PRKN: variants seen among roughly 807,000 people sequenced by gnomAD.
PRKN encodes E3 ubiquitin-protein ligase parkin.
In PRKN, 56 loss-of-function variants were observed where a neutral mutation model predicts 59.5. The observed-to-expected ratio is 0.94, with a 90% confidence interval of 0.76 to 1.18. The LOEUF is 1.18. Ranked by LOEUF, PRKN falls within the 50% of genes most tolerant of loss-of-function variation. PRKN has a pLI of 0.00. For synonymous variants in PRKN, 250 were observed against 222.1 expected (o/e 1.13, Z -1.12); for missense variants, 657 against 596.4 (o/e 1.10, Z -1.06).
intron 2 of PRKN, among the ~76,000 whole-genome samples, chr6:162,315,294 G>A (rs1330385293): frequency 3.3e-5 from 5 of 152,118 alleles, no homozygotes; most frequent in African/African-American, 1.2e-4. Flanking sequence ...TTATTGAAGT[G>A]GCTTAATTTG....
chr6:162,365,564 G>C (rs1562704521), intron 2 of PRKN, among the ~76,000 whole-genome samples: 1 of 151,834 alleles, frequency 6.6e-6, no homozygotes, highest in East Asian at 1.9e-4. Flanking sequence ...TGTGCCCCTG[G>C]CCTTTCTTCC....
At chr6:162,709,328 G>A (rs942912792) in intron 1 of PRKN, among the ~76,000 whole-genome samples, 10 of 151,850 alleles carry the variant, frequency 6.6e-5, no homozygotes, top group Non-Finnish European at 1.2e-4. Context: ...AAAAAGGTTG[G>A]AGACTACTGT....
intron 6 of PRKN, among the ~76,000 whole-genome samples, chr6:161,901,329 G>A (rs929335098): frequency 9.2e-5 from 14 of 152,172 alleles, no homozygotes; most frequent in African/African-American, 3.1e-4. Flanking sequence ...GGAAAAGCAT[G>A]TCTCCAGTAT....
chr6:161,819,077 T>C (rs1231399391), intron 6 of PRKN, among the ~76,000 whole-genome samples: 2 of 152,202 alleles, frequency 1.3e-5, no homozygotes, highest in Non-Finnish European at 2.9e-5. Context: ...ACTCCGAACT[T>C]AGGTGCCCAA....
intron 4 of PRKN, among the ~76,000 whole-genome samples, chr6:162,075,624 A>C (rs1778789866): frequency 8.4e-6 from 1 of 119,410 alleles, no homozygotes; most frequent in African/African-American, 3.3e-5. Flanking sequence ...CTGGTCAACA[A>C]CTATCTTGAC....
intron 7 of PRKN, among the ~76,000 whole-genome samples, chr6:161,670,741 G>A (rs546222740): frequency 7.2e-5 from 11 of 152,210 alleles, no homozygotes; most frequent in African/African-American, 1.9e-4. Context: ...GCATGAACCC[G>A]GGAGGCAGAG....
intron 1 of PRKN, among the ~76,000 whole-genome samples, chr6:162,584,794 TCCCCTCCCCTCCC>T (rs1780948283): frequency 3.0e-4 from 2 of 6,610 alleles, no homozygotes; most frequent in Non-Finnish European, 2.5e-4. Flanking sequence ...TCCTCTCCCC[TCCCCTCCCCTCCC>T]CTCCCCTCCC....
chr6:161,939,552 T>C (rs374739980), intron 6 of PRKN, among the ~76,000 whole-genome samples: 84 of 150,746 alleles, frequency 5.6e-4, no homozygotes, highest in African/African-American at 2.0e-3. Flanking sequence ...GCCAATATGG[T>C]GAAACCCCAT....
At chr6:162,032,639 G>T (rs899652305) in intron 5 of PRKN, among the ~76,000 whole-genome samples, 4 of 152,150 alleles carry the variant, frequency 2.6e-5, no homozygotes, top group Non-Finnish European at 5.9e-5. Flanking sequence ...GATGAAAAAA[G>T]CGAAGCTGAG....
At chr6:162,455,641 AT>A (rs1172228627) in intron 1 of PRKN, among the ~76,000 whole-genome samples, 1 of 152,032 alleles carries the variant, frequency 6.6e-6, no homozygotes, top group Non-Finnish European at 1.5e-5. Flanking sequence ...ATGGGGGCCC[AT>A]TTTTTTCTGA....
At chr6:161,838,977 C>T (rs928418231) in intron 6 of PRKN, among the ~76,000 whole-genome samples, 7 of 152,084 alleles carry the variant, frequency 4.6e-5, no homozygotes, top group African/African-American at 9.7e-5. Context: ...AATGTGTCTC[C>T]GCAGTGCTTG....
At chr6:161,647,640 T>G (rs1784004951) in intron 7 of PRKN, among the ~76,000 whole-genome samples, 1 of 152,126 alleles carries the variant, frequency 6.6e-6, no homozygotes, top group Non-Finnish European at 1.5e-5. Context: ...AGATTTGGGC[T>G]GTGCTGATAC....
intron 2 of PRKN, among the ~76,000 whole-genome samples, chr6:162,407,654 TGCTA>T (rs1295285672): frequency 6.6e-6 from 1 of 152,174 alleles, no homozygotes; most frequent in East Asian, 1.9e-4. Context: ...TCTTATCACC[TGCTA>T]GTCATAATTA....
intron 4 of PRKN, among the ~76,000 whole-genome samples, chr6:162,144,577 G>A (rs550854339): frequency 6.6e-6 from 1 of 152,242 alleles, no homozygotes; most frequent in African/African-American, 2.4e-5. Context: ...AGGTGCACAC[G>A]AACTGTAGGA....
chr6:162,394,083 CT>C (rs766554667), intron 2 of PRKN, among the ~76,000 whole-genome samples: 20 of 152,138 alleles, frequency 1.3e-4, no homozygotes, highest in Admixed American at 3.9e-4. Context: ...TATAATCTAG[CT>C]TGTATTTCCT....
intron 1 of PRKN, among the ~76,000 whole-genome samples, chr6:162,605,766 T>G (rs1781889391): frequency 6.6e-6 from 1 of 152,158 alleles, no homozygotes; most frequent in African/African-American, 2.4e-5. Flanking sequence ...AATGATATAT[T>G]CATATCACGT....
chr6:161,902,498 T>TGTGTGTGTAAATGTAATA (rs1777954514), intron 6 of PRKN, among the ~76,000 whole-genome samples: 3 of 150,784 alleles, frequency 2.0e-5, no homozygotes, highest in Admixed American at 6.7e-5. Flanking sequence ...GTCACTGGTG[T>TGTGTGTGTAAATGTAATA]GTGTGTGTAA....
At chr6:162,249,739 C>G (rs1462344990) in intron 3 of PRKN, among the ~76,000 whole-genome samples, 1 of 152,034 alleles carries the variant, frequency 6.6e-6, no homozygotes, top group African/African-American at 2.4e-5. Context: ...CTCAAGCAGG[C>G]CTATCTGGTT....
intron 1 of PRKN, among the ~76,000 whole-genome samples, chr6:162,488,252 G>A (rs903394799): frequency 6.6e-5 from 10 of 152,064 alleles, no homozygotes; most frequent in African/African-American, 2.4e-4. Flanking sequence ...TCAAACCAAT[G>A]AGAATCTCCA....
Sources: allele counts gnomAD v4.1 joint callset (sites outside exome capture counted in the v4.1 genomes callset), GRCh38; gene constraint gnomAD v4.1.1; transcripts MANE v1.5; gene names NCBI Gene and HGNC (gene_info 2026-07-23, HGNC 2026-07-21).